The following TLL2 variants were observed in gnomAD, a reference collection of about 807,000 sequenced individuals.
TLL2 encodes tolloid-like protein 2.
A neutral mutation model predicts 123.0 loss-of-function variants in TLL2; 106 were observed. The observed-to-expected ratio is 0.86, with a 90% CI of 0.74 to 1.01. The LOEUF (loss-of-function observed/expected upper bound fraction) is 1.01, where lower values mean the gene tolerates loss of function less well. Ranked by LOEUF, TLL2 falls within the 50% of genes least tolerant of loss-of-function variation. The pLI, the probability that TLL2 is intolerant of heterozygous loss-of-function variation, is 0.00. For synonymous variants in TLL2, 494 were observed against 516.8 expected (o/e 0.96, Z 0.60); for missense variants, 1,332 against 1,336.7 (o/e 1.00, Z 0.06).
At chr10:96,479,505 C>T (rs1420835683) in intron 2 of TLL2, among the ~76,000 whole-genome samples, 1 of 152,234 alleles carries the variant, frequency 6.6e-6, no homozygotes, top group African/African-American at 2.4e-5. Flanking sequence ...CCCCCCAGCA[C>T]CATCCCCACT....
intron 4 of TLL2, among the ~76,000 whole-genome samples, chr10:96,429,775 T>C (rs1044819013): frequency 2.0e-5 from 3 of 152,230 alleles, no homozygotes; most frequent in African/African-American, 7.2e-5. Flanking sequence ...TTGTGGGGAA[T>C]CCTTGAGCCT....
intron 5 of TLL2, among the ~76,000 whole-genome samples, chr10:96,423,422 C>A (rs1589419063): frequency 1.3e-5 from 2 of 152,144 alleles, no homozygotes; most frequent in East Asian, 3.8e-4. Flanking sequence ...ATAATGCATG[C>A]AACTTGGTGT....
In TLL2 at chr10:96,432,917, T is replaced by C; in HGVS notation, c.410A>G (p.His137Arg). The C allele has an allele frequency of 6.2e-7, 1 of 1,614,130 alleles. No individual in the cohort carries two copies. ...TTLLHSPGTL[H>R]AAAKTFSPRV... The stretch of plus-strand genomic sequence containing the variant: ...GGGAGAGAAGGTCTTGGCTGCGGCA[T>C]GCAAGGTCCCAGGGCTGTGCAGGAG... Residue 137 changes from histidine (H) to arginine (R), a missense_variant, in exon 4 of 21, where the codon CAT becomes CGT. His to Arg is a conservative substitution (Grantham distance 29). Transcript: ENST00000357947.
intron 2 of TLL2, among the ~76,000 whole-genome samples, chr10:96,448,451 AT>A (rs5787186): frequency 0.63 from 96,112 of 151,766 alleles, 30,731 homozygotes; most frequent in East Asian, 0.88. Flanking sequence ...GGGTGTTAGT[AT>A]TTTTTCATCT....
intron 1 of TLL2, among the ~76,000 whole-genome samples, chr10:96,502,271 C>T (rs1028071691): frequency 2.0e-5 from 3 of 152,156 alleles, no homozygotes; most frequent in Admixed American, 6.5e-5. Flanking sequence ...TTGCTCTTAT[C>T]CCAAGTGCAA....
chr10:96,450,592 A>G (rs1202960481), intron 2 of TLL2, among the ~76,000 whole-genome samples: 1 of 152,204 alleles, frequency 6.6e-6, no homozygotes, highest in African/African-American at 2.4e-5. Context: ...AACGGAAGAC[A>G]TGGACTTGGA....
intron 4 of TLL2, among the ~76,000 whole-genome samples, chr10:96,432,140 A>AT (rs1418623508): frequency 6.6e-6 from 1 of 152,208 alleles, no homozygotes; most frequent in Non-Finnish European, 1.5e-5. Flanking sequence ...TATTTTAAAG[A>AT]TAATATTAAT....
chr10:96,399,660 G>T (rs1846375129), intron 10 of TLL2, among the ~76,000 whole-genome samples: 1 of 152,228 alleles, frequency 6.6e-6, no homozygotes, highest in Admixed American at 6.5e-5. Flanking sequence ...TTTGGAAAAT[G>T]ACAGGCAAGC....
At chr10:96,429,448 C>G (rs924877064) in intron 4 of TLL2, among the ~76,000 whole-genome samples, 3 of 151,478 alleles carry the variant, frequency 2.0e-5, no homozygotes, top group African/African-American at 7.3e-5. Flanking sequence ...CACAACGTAA[C>G]TTTTCTGAGC....
At chr10:96,449,008 C>A (rs1018996172) in intron 2 of TLL2, among the ~76,000 whole-genome samples, 1 of 152,120 alleles carries the variant, frequency 6.6e-6, no homozygotes, top group Non-Finnish European at 1.5e-5. Flanking sequence ...GTGGGGAGAC[C>A]AAGTGCCCCC....
intron 20 of TLL2, 73 bp downstream of exon 20, chr10:96,369,992 G>GGCGTGTC: frequency 6.8e-7 from 1 of 1,481,286 alleles, no homozygotes; most frequent in South Asian, 1.4e-5. Context: ...CTGAAAGCCG[G>GGCGTGTC]GCGTGTCTGA....
At chr10:96,451,821 C>T (rs978877818) in intron 2 of TLL2, among the ~76,000 whole-genome samples, 3 of 152,178 alleles carry the variant, frequency 2.0e-5, no homozygotes, top group Non-Finnish European at 4.4e-5. Context: ...CTCTCCATAT[C>T]GGTCTGATAT....
intron 2 of TLL2, among the ~76,000 whole-genome samples, chr10:96,457,602 C>T (rs537912733): frequency 7.9e-5 from 12 of 152,276 alleles, no homozygotes; most frequent in Non-Finnish European, 1.5e-4. Context: ...AGGGGCCTCT[C>T]GTTCATGCAG....
chr10:96,439,059 A>T (rs1041649279), intron 3 of TLL2, among the ~76,000 whole-genome samples: 7 of 142,662 alleles, frequency 4.9e-5, no homozygotes, highest in African/African-American at 1.9e-4. Context: ...TCATTTGCTA[A>T]TTTTTTTAAG....
intron 7 of TLL2, among the ~76,000 whole-genome samples, chr10:96,420,121 C>T (rs971537980): frequency 2.6e-5 from 4 of 152,210 alleles, no homozygotes; most frequent in East Asian, 1.9e-4. Flanking sequence ...TGGGGGAAGA[C>T]TAAATAAATA....
intron 4 of TLL2, among the ~76,000 whole-genome samples, chr10:96,431,943 G>A (rs958794777): frequency 2.0e-5 from 3 of 152,004 alleles, no homozygotes; most frequent in Admixed American, 6.6e-5. Context: ...GGGCCTATGA[G>A]GGGGGCACGT....
chr10:96,507,303 C>G (rs63423461), intron 1 of TLL2, among the ~76,000 whole-genome samples: 2 of 147,654 alleles, frequency 1.4e-5, no homozygotes, highest in African/African-American at 5.0e-5. Context: ...TGCCTCCCCC[C>G]AGCTCTGCCC....
chr10:96,409,431 G>C (rs1846480531), intron 9 of TLL2, among the ~76,000 whole-genome samples: 1 of 152,210 alleles, frequency 6.6e-6, no homozygotes, highest in Non-Finnish European at 1.5e-5. Context: ...TAAGATAGTT[G>C]CATCTAGTCT....
At chr10:96,375,072 T>C (rs984576250) in intron 18 of TLL2, among the ~76,000 whole-genome samples, 1 of 150,900 alleles carries the variant, frequency 6.6e-6, no homozygotes, top group Non-Finnish European at 1.5e-5. Context: ...TTCAGAAGAA[T>C]GACTCCCACA....
Sources: allele counts gnomAD v4.1 joint callset (sites outside exome capture counted in the v4.1 genomes callset), GRCh38; gene constraint gnomAD v4.1.1; transcripts MANE v1.5; gene names NCBI Gene and HGNC (gene_info 2026-07-23, HGNC 2026-07-21).